NAXE: variants seen among roughly 807,000 people sequenced by gnomAD.
NAXE encodes the protein NAD(P)HX epimerase.
NAXE carries 25 observed loss-of-function variants against 31.2 expected under a neutral mutation model. The observed-to-expected ratio is 0.80, with a 90% CI of 0.58 to 1.12. NAXE has a LOEUF of 1.12. Ranked by LOEUF, NAXE falls within the 50% of genes most tolerant of loss-of-function variation. NAXE has a pLI of 0.00. For missense variants in NAXE, 362 were observed against 376.1 expected (o/e 0.96, Z 0.31); for synonymous variants, 144 against 154.5 (o/e 0.93, Z 0.50).
chr1:156,593,538 G>C lies in NAXE; in HGVS notation c.647G>C (p.Ser216Thr). The C allele has an allele frequency of 6.2e-7, 1 of 1,614,190 alleles. No homozygotes were observed. The highest frequency in any genetic ancestry group is 8.5e-7 in the Non-Finnish European group (1 of 1,180,028). Reference sequence around the variant, plus strand: ...AAGGGACTCACTGTGCCCATTGCCAGCATCGACATTCCCTCAGGTGCTGGG... The same window carrying C: ...AAGGGACTCACTGTGCCCATTGCCACCATCGACATTCCCTCAGGTGCTGGG... ...VLKGLTVPIA[S>T]IDIPSGWDVE... Residue 216 changes from serine (S) to threonine (T), a missense_variant, in exon 5 of 6, where the codon AGC becomes ACC. Physicochemically the swap from Ser to Thr is moderately conservative, Grantham distance 58. Transcript: ENST00000368235.
In NAXE at chr1:156,593,418, T is replaced by C. The variant is rs1003318340; in HGVS notation, c.527T>C (p.Ile176Thr). ...LGEMPAEPMT[I>T]DELYELVVDA... The stretch of plus-strand genomic sequence containing the variant: ...CCTGCTCCACCACAGCCCATGACGA[T>C]TGATGAACTGTATGAGCTGGTGGTG... Residue 176 changes from isoleucine (I) to threonine (T), a missense_variant, in exon 5 of 6, where the codon ATT (isoleucine) becomes ACT (threonine). Ile to Thr is a moderately conservative substitution (Grantham distance 89). Transcript: ENST00000368235. 3.7e-6 allele frequency: 6 copies of C among 1,613,944 alleles called. No homozygotes were observed. The highest frequency in any genetic ancestry group is 4.5e-5 in the East Asian group (2 of 44,882).
At chr1:156,593,262 CT>C (rs1277153316) in intron 4 of NAXE, 145 bp from the exon 5 acceptor site, 67 of 1,086,118 alleles carry the variant, frequency 6.2e-5, no homozygotes, top group Non-Finnish European at 8.4e-5. Flanking sequence ...CCAACTCACA[CT>C]TTCTCTAGGC....
chr1:156,592,969 C>T (rs533587330), intron 4 of NAXE: 33 of 435,522 alleles, frequency 7.6e-5, no homozygotes, highest in Admixed American at 2.4e-4. Context: ...CCTCAGGGGC[C>T]GGAGTGGCTG....
chr1:156,593,113 T>C (rs1228852369), intron 4 of NAXE: 3 of 450,380 alleles, frequency 6.7e-6, no homozygotes, highest in Non-Finnish European at 1.2e-5. Flanking sequence ...CTAAATTGTA[T>C]CATGGCAGAG....
chr1:156,592,893 T>C (rs1170770349), intron 4 of NAXE: 2 of 560,462 alleles, frequency 3.6e-6, no homozygotes, highest in African/African-American at 3.8e-5. Context: ...TTCATCTCCC[T>C]GGTCCCTCCT....
chr1:156,593,737 G>A (rs1156519143), intron 5 of NAXE, 145 bp from the exon 6 acceptor site: 7 of 1,309,662 alleles, frequency 5.3e-6, no homozygotes, highest in Middle Eastern at 2.2e-4. Flanking sequence ...AAGAGACCAC[G>A]GCCCAAGGGT....
chr1:156,594,226 C>A lies in NAXE; in HGVS notation c.*142C>A. ...CAACCCTGGGGATTGGGTGCCATCT[C>A]TCTAGGGGTAACACAAAGGGCAAGA... On this transcript the variant is annotated 3_prime_UTR_variant, in exon 6 of 6. Transcript: ENST00000368235. 1.2e-6 allele frequency: 1 copy of A among 807,296 alleles called. No individual in the cohort carries two copies. The highest frequency in any genetic ancestry group is 2.0e-6 in the Non-Finnish European group (1 of 512,476). The allele number at this position is 807,296 out of a possible 1,614,324, so 50.0% of individuals were successfully genotyped here.
Position 156,593,441 on chromosome 1 carries a change from G to A in NAXE, c.550G>A (p.Val184Met). Reference protein sequence around the residue: ...MTIDELYELVVDAIFGFSFKG... With the variant: ...MTIDELYELVMDAIFGFSFKG... ...GATTGATGAACTGTATGAGCTGGTGGTGGATGCCATCTTTGGCTTCAGCTT... is the reference window on the plus strand; with the variant it reads ...GATTGATGAACTGTATGAGCTGGTGATGGATGCCATCTTTGGCTTCAGCTT... Residue 184 changes from valine to methionine, a missense_variant, in exon 5 of 6, where the codon GTG (valine) becomes ATG (methionine). Transcript: ENST00000368235. The A allele has an allele frequency of 6.2e-7, 1 of 1,614,154 alleles. No homozygotes were observed. The highest frequency in any genetic ancestry group is 8.5e-7 in the Non-Finnish European group (1 of 1,180,020).
At chr1:156,592,770 A>C in intron 4 of NAXE, 100 bp downstream of exon 4, 1 of 1,108,760 alleles carries the variant, frequency 9.0e-7, no homozygotes, top group Non-Finnish European at 1.3e-6. Context: ...AGTGCCTGGT[A>C]CGGAAGGTGC....
chr1:156,593,692 G>C, intron 5 of NAXE, 137 bp downstream of exon 5: 1 of 1,375,198 alleles, frequency 7.3e-7, no homozygotes, highest in Non-Finnish European at 1.0e-6. Flanking sequence ...CTGGGGAACA[G>C]TGTTCAGAAG....
chr1:156,593,139 G>A (rs367890554), intron 4 of NAXE: 8 of 449,046 alleles, frequency 1.8e-5, no homozygotes, highest in South Asian at 4.6e-5. Flanking sequence ...ACCAGAATCT[G>A]GCTCTCCTGA....
Position 156,592,174 on chromosome 1 carries a change from C to A in NAXE, c.256C>A (p.Leu86Met), listed in dbSNP as rs1279869586. 6.2e-7 allele frequency: 1 copy of A among 1,614,232 alleles called. No homozygotes were observed. The highest frequency in any genetic ancestry group is 8.5e-7 in the Non-Finnish European group (1 of 1,180,050). Residue 86 changes from leucine (L) to methionine (M), a missense_variant, in exon 2 of 6, where the codon CTG (leucine) becomes ATG (methionine). Coordinates refer to ENST00000368235, the MANE Select transcript of NAXE (RefSeq NM_144772.3). The stretch of plus-strand genomic sequence containing the variant: ...GTTCAGCGTGGACCAACTTATGGAA[C>A]TGGCCGGGCTGAGCTGTGCTACAGC... ...YQFSVDQLMELAGLSCATAIA... is the reference protein window; with the variant it reads ...YQFSVDQLMEMAGLSCATAIA...
Position 156,592,421 on chromosome 1 carries a change from C to T in NAXE, c.348C>T (p.Gly116=), listed in dbSNP as rs751427224. 3.7e-6 allele frequency: 6 copies of T among 1,614,078 alleles called. No individual in the cohort carries two copies. The highest frequency in any genetic ancestry group is 2.7e-5 in the African/African-American group (2 of 74,916). ...RSPPTVLVIC[G]PGNNGGDGLV... The stretch of plus-strand genomic sequence containing the variant: ...CCCCTACTGTCCTGGTCATCTGTGG[C>T]CCGGGGAATAATGGAGGAGATGGTC... The change falls in exon 3 of 6, where the codon GGC becomes GGT. Residue 116 remains glycine, a synonymous_variant. Coordinates refer to ENST00000368235, the MANE Select transcript of NAXE (RefSeq NM_144772.3).
intron 4 of NAXE, 75 bp downstream of exon 4, chr1:156,592,745 G>C (rs1037651733): frequency 1.4e-6 from 2 of 1,388,720 alleles, no homozygotes; most frequent in Non-Finnish European, 2.0e-6. Context: ...CGTGTTTCCA[G>C]GCTGAGCTCA....
rs1270 is a variant in NAXE, at chr1:156,594,106, T to C, written c.*22T>C. The C allele has an allele frequency of 0.96, 1,552,808 of 1,612,180 alleles. 748,494 individuals carry two copies. Among genetic ancestry groups the C allele is most frequent in the East Asian group, 0.98 (43,908 of 44,874 alleles). On this transcript the variant is annotated 3_prime_UTR_variant, in exon 6 of 6. Coordinates refer to ENST00000368235, the MANE Select transcript of NAXE (RefSeq NM_144772.3). ...GTGAGGGAAGGTGGGTGGGTATTCT[T>C]CCCAATAAAGACTTAGAGCCCCTCT...
In NAXE at chr1:156,593,538, G is replaced by T; in HGVS notation, c.647G>T (p.Ser216Ile). The change falls in exon 5 of 6, where the codon AGC becomes ATC. Residue 216 changes from serine (S) to isoleucine (I), a missense_variant. By Grantham distance (142) the Ser-to-Ile change is moderately radical. Transcript: ENST00000368235. ...AAGGGACTCACTGTGCCCATTGCCA[G>T]CATCGACATTCCCTCAGGTGCTGGG... Reference protein sequence around the residue: ...VLKGLTVPIASIDIPSGWDVE... With the variant: ...VLKGLTVPIAIIDIPSGWDVE... 1 of 1,614,190 alleles carries T rather than the reference G, an allele frequency of 6.2e-7. No individual in the cohort carries two copies. Among genetic ancestry groups the T allele is most frequent in the Admixed American group, 1.7e-5 (1 of 60,024 alleles).
intron 5 of NAXE, 144 bp from the exon 6 acceptor site, chr1:156,593,738 G>A: frequency 7.7e-7 from 1 of 1,304,334 alleles, no homozygotes; most frequent in African/African-American, 1.5e-5. Flanking sequence ...AGAGACCACG[G>A]CCCAAGGGTA....
chr1:156,594,170 TAA>T lies in NAXE; in HGVS notation c.*89_*90del, dbSNP rs1677428764. The T allele has an allele frequency of 1.4e-6, 2 of 1,424,642 alleles. No individual in the cohort carries two copies. The highest frequency in any genetic ancestry group is 1.4e-5 in the African/African-American group (1 of 71,026). The allele number at this position is 1,424,642 out of a possible 1,614,324, so 88.3% of individuals were successfully genotyped here. On this transcript the variant is annotated 3_prime_UTR_variant, in exon 6 of 6. Coordinates refer to ENST00000368235, the MANE Select transcript of NAXE (RefSeq NM_144772.3). ...GGATTCCTGGGAGCTCCTCTGGCAA[TAA>T]AAGTCAGTGAATGGTGGAAGTCAGA... is the stretch of plus-strand genomic sequence containing the variant.
rs573430232 is a variant in NAXE, at chr1:156,592,638, G to A, written c.484G>A (p.Asp162Asn). The A allele has an allele frequency of 1.1e-4, 174 of 1,614,008 alleles. No individual in the cohort carries two copies. The highest frequency in any genetic ancestry group is 1.2e-4 in the Non-Finnish European group (142 of 1,180,018). ...ATTGGTGACCCAGTGTCAGAAAATG[G>A]ACATCCCTTTCCTTGGGGAAATGCC... ...TALVTQCQKMDIPFLGEMPAE... is the reference protein window; with the variant it reads ...TALVTQCQKMNIPFLGEMPAE... The change falls in exon 4 of 6, where the codon GAC becomes AAC. Residue 162 changes from aspartate (D) to asparagine (N), a missense_variant. Coordinates refer to ENST00000368235, the MANE Select transcript of NAXE (RefSeq NM_144772.3).
Sources: gnomAD v4.1 joint callset for allele counts on GRCh38, gnomAD v4.1.1 for gene constraint, MANE v1.5 for transcripts, NCBI Gene and HGNC (gene_info 2026-07-23, HGNC 2026-07-21) for gene names.